Variants in DNHD1 observed in about 807,000 individuals in gnomAD.
DNHD1 encodes dynein heavy chain domain-containing protein 1.
In DNHD1, 383 loss-of-function variants were observed where a neutral mutation model predicts 458.1. That is an observed-to-expected ratio of 0.84 (90% CI 0.77 to 0.91). The LOEUF (loss-of-function observed/expected upper bound fraction) is 0.91. DNHD1 is among the 40% of genes least tolerant of loss of function. The pLI is 0.00. For missense variants in DNHD1, 5,336 were observed against 5,866.1 expected, an observed-to-expected ratio of 0.91 and a Z score of 2.95; for synonymous variants, 2,203 against 2,376.9, an observed-to-expected ratio of 0.93 and a Z score of 2.13.
intron 10 of DNHD1, among the ~76,000 whole-genome samples, chr11:6,527,583 T>C (rs554123322): frequency 1.3e-5 from 2 of 152,280 alleles, no homozygotes; most frequent in African/African-American, 2.4e-5. Flanking sequence ...GACATCCAGA[T>C]AGAGAAGTGA....
Position 6,548,039 on chromosome 11 carries a change from A to G in DNHD1, c.6904A>G (p.Arg2302Gly). ...IWGFGAHLPS[R>G]FWPIFDTFIR... is the part of the protein sequence containing the mutation. ...GGGCTTTGGAGCCCACCTTCCCTCC[A>G]GGTACCTACCAGGATGGGGGATGGG... Residue 2302 changes from arginine (R) to glycine (G), a missense_variant and splice_region_variant, in exon 22 of 43, where the codon AGG becomes GGG. By Grantham distance (125) the Arg-to-Gly change is moderately radical (BLOSUM62 -2). Transcript: ENST00000254579. The surrounding 1 kb of genome is among the most constrained non-coding windows in gnomAD (Gnocchi z 4.4). 3 of 1,551,676 alleles carry G rather than the reference A, an allele frequency of 1.9e-6. No homozygotes were observed. Among genetic ancestry groups the G allele is most frequent in the South Asian group, 1.2e-5 (1 of 84,058 alleles).
At chr11:6,529,484 C>G (rs1476468871) in intron 12 of DNHD1, among the ~76,000 whole-genome samples, 1 of 152,204 alleles carries the variant, frequency 6.6e-6, no homozygotes, top group African/African-American at 2.4e-5. Context: ...AAGCTACTCT[C>G]TAACTGAGCT....
chr11:6,564,615 T>G lies in DNHD1; in HGVS notation c.10567T>G (p.Trp3523Gly), dbSNP rs1458818104. The G allele has an allele frequency of 1.3e-6, 2 of 1,551,698 alleles. No homozygotes were observed. The highest frequency in any genetic ancestry group is 4.9e-5 in the East Asian group (2 of 40,912). ...LLSSESEQYQ[W>G]DGNLKPQAKS... ...GAGCTCTGAATCGGAGCAGTACCAG[T>G]GGGATGGAAACCTGAAGCCACAGGC... Residue 3523 changes from tryptophan to glycine, a missense_variant, in exon 32 of 43, where the codon TGG becomes GGG. This residue lies in a region of DNHD1 where 3,932 missense variants were observed against 4,365.6 expected (regional missense o/e 0.90). Coordinates refer to ENST00000254579, the MANE Select transcript of DNHD1 (RefSeq NM_144666.3).
chr11:6,569,917 C>T (rs1369294652), intron 39 of DNHD1, 92 bp from the exon 40 acceptor site: 2 of 1,084,018 alleles, frequency 1.8e-6, no homozygotes, highest in East Asian at 4.8e-5. Context: ...GAACCCGAAG[C>T]TCAGGAGAGA....
At chr11:6,555,714 C>G (rs1853447927) in intron 24 of DNHD1, among the ~76,000 whole-genome samples, 1 of 152,136 alleles carries the variant, frequency 6.6e-6, no homozygotes, top group Non-Finnish European at 1.5e-5. Context: ...CCGTATGATT[C>G]TATTTATATG....
At chr11:6,559,362 T>C in intron 28 of DNHD1, 79 bp downstream of exon 28, 1 of 1,209,578 alleles carries the variant, frequency 8.3e-7, no homozygotes, top group Non-Finnish European at 1.2e-6. Flanking sequence ...GCAACCAGAA[T>C]GAACCTTAAT....
At position 6,568,585 on chromosome 11, in the gene DNHD1, C is replaced by T. The variant is rs752666458; in HGVS notation, c.12661+9C>T. The T allele has an allele frequency of 1.4e-5, 23 of 1,613,966 alleles. No homozygotes were observed. In the East Asian group the frequency reaches 4.0e-4, roughly 28 times the overall value. ...TAGTGCTTCTTTGCCAGGTGAGGAGCTTAACCCCCTACAGGCTCTCAAATT... is the reference window on the plus strand; with the variant it reads ...TAGTGCTTCTTTGCCAGGTGAGGAGTTTAACCCCCTACAGGCTCTCAAATT... On this transcript the variant is annotated intron_variant, in intron 38 of 42. Transcript: ENST00000254579.
In DNHD1 at chr11:6,548,461, A is replaced by G. The variant is rs1239074190; in HGVS notation, c.7098+59A>G. 5 of 1,519,112 alleles carry G rather than the reference A, an allele frequency of 3.3e-6. No homozygotes were observed. In the African/African-American group the frequency reaches 7.0e-5, roughly 21 times the overall value. The allele number at this position is 1,519,112 out of a possible 1,614,324, so 94.1% of individuals were successfully genotyped here. A position where few individuals can be genotyped will look rare whatever the true frequency, so the allele number is the denominator to read the frequency against. ...AACTTCAGGACTTATTTTAGGGGTAATCCATGTTCAAAGATCAGCTGAGGC... is the reference window on the plus strand; with the variant it reads ...AACTTCAGGACTTATTTTAGGGGTAGTCCATGTTCAAAGATCAGCTGAGGC... On this transcript the variant is annotated intron_variant, in intron 23 of 42. Coordinates refer to ENST00000254579, the MANE Select transcript of DNHD1 (RefSeq NM_144666.3). The surrounding 1 kb of genome is among the most constrained non-coding windows in gnomAD (Gnocchi z 4.4).
Position 6,570,839 on chromosome 11 carries a change from C to G in DNHD1, c.13327C>G (p.Leu4443Val), listed in dbSNP as rs1422142897. The G allele has an allele frequency of 6.2e-7, 1 of 1,613,940 alleles. No homozygotes were observed. The highest frequency in any genetic ancestry group is 1.1e-5 in the South Asian group (1 of 91,094). Reference protein sequence around the residue: ...QLAERRLRQRLVQVNRRLESL... With the variant: ...QLAERRLRQRVVQVNRRLESL... The stretch of plus-strand genomic sequence containing the variant: ...TGCGGAAAGGCGACTGCGGCAACGC[C>G]TAGTGCAAGTCAACCGGAGGCTGGA... The change falls in exon 42 of 43, where the codon CTA (leucine) becomes GTA (valine). Residue 4443 changes from leucine to valine, a missense_variant. This residue lies in a region of DNHD1 where 698 missense variants were observed against 664.9 expected (regional missense o/e 1.05). Coordinates refer to ENST00000254579, the MANE Select transcript of DNHD1 (RefSeq NM_144666.3).
At chr11:6,537,351 C>T (rs1564812628) in intron 14 of DNHD1, among the ~76,000 whole-genome samples, 2 of 152,024 alleles carry the variant, frequency 1.3e-5, no homozygotes, top group South Asian at 4.1e-4. Flanking sequence ...AGTTCATTCG[C>T]TCATTCATTC....
Position 6,563,398 on chromosome 11 carries a change from T to C in DNHD1, c.9686T>C (p.Leu3229Pro), listed in dbSNP as rs1415857229. 4.5e-6 allele frequency: 7 copies of C among 1,551,718 alleles called. No homozygotes were observed. The highest frequency in any genetic ancestry group is 6.1e-6 in the Non-Finnish European group (7 of 1,146,976). Residue 3229 changes from leucine to proline, a missense_variant, in exon 30 of 43, where the codon CTG becomes CCG. Leu to Pro is a moderately conservative substitution (Grantham distance 98). This residue lies in a region of DNHD1 where 3,932 missense variants were observed against 4,365.6 expected (regional missense o/e 0.90). Coordinates refer to ENST00000254579, the MANE Select transcript of DNHD1 (RefSeq NM_144666.3). ...CTCATTTAGATGAGCAAGGCATTTCTGGAGCCTCTGAGCCAGCTGCAGGTG... is the reference window on the plus strand; with the variant it reads ...CTCATTTAGATGAGCAAGGCATTTCCGGAGCCTCTGAGCCAGCTGCAGGTG... ...AFLEQMSKAFLEPLSQLQVAD... is the reference protein window; with the variant it reads ...AFLEQMSKAFPEPLSQLQVAD...
In DNHD1 at chr11:6,567,488, A is replaced by G. The variant is rs143341167; in HGVS notation, c.11979A>G (p.Leu3993=). The G allele has an allele frequency of 2.9e-4, 463 of 1,613,538 alleles. 3 individuals carry two copies. The East Asian group carries it at 6.7e-3, about 23-fold the overall frequency. Residue 3993 remains leucine (L), a synonymous_variant, in exon 36 of 43, where the codon TTA becomes TTG. Transcript: ENST00000254579. Reference sequence around the variant, plus strand: ...AAGCCTGGCATGAATGTGAGATGTTAGAGCTGCTGCCCCCATTTGTTGGCC... The same window carrying G: ...AAGCCTGGCATGAATGTGAGATGTTGGAGCTGCTGCCCCCATTTGTTGGCC... ...GPKAWHECEM[L]ELLPPFVGLC...
chr11:6,522,956 CAA>C (rs780569311), intron 10 of DNHD1, among the ~76,000 whole-genome samples: 1 of 152,174 alleles, frequency 6.6e-6, no homozygotes, highest in Non-Finnish European at 1.5e-5. Flanking sequence ...TACAACTAAA[CAA>C]GAGAGTATTA....
At position 6,539,271 on chromosome 11, in the gene DNHD1, GCTTAC is replaced by G; in HGVS notation, c.3379_3383del (p.Thr1128SerfsTer16). On this transcript the variant is annotated frameshift_variant, in exon 17 of 43. Transcript: ENST00000254579. ...TAGAACTCCTAACGCTGGGCCAGCT[GCTTAC>G]TTATCCACTGCTGGAGTTTGCAGAT... 6.4e-7 allele frequency: 1 copy of G among 1,551,658 alleles called. No individual in the cohort carries two copies. The highest frequency in any genetic ancestry group is 2.4e-5 in the East Asian group (1 of 40,914).
rs376521174 is a variant in DNHD1, at chr11:6,571,437, G to A, written c.13911+14G>A. 36 of 1,566,072 alleles carry A rather than the reference G, an allele frequency of 2.3e-5. No homozygotes were observed. Among genetic ancestry groups the A allele is most frequent in the Non-Finnish European group, 2.6e-5 (30 of 1,151,782 alleles). The stretch of plus-strand genomic sequence containing the variant: ...CTGCACTTCAGGGTATCTTCGCGCC[G>A]CCCCTCGTTCGCGGTTCCAGTCCCC... On this transcript the variant is annotated intron_variant, in intron 42 of 42. Transcript: ENST00000254579. This position sits in a 1 kb window ranked among gnomAD's most constrained non-coding sequence, Gnocchi z 5.0.
intron 4 of DNHD1, among the ~76,000 whole-genome samples, chr11:6,506,654 T>C (rs940564100): frequency 1.3e-5 from 2 of 152,216 alleles, no homozygotes; most frequent in East Asian, 3.8e-4. Flanking sequence ...CTTCACCTCC[T>C]TTATTCTTTG....
At position 6,548,890 on chromosome 11, in the gene DNHD1, C is replaced by A; in HGVS notation, c.7344C>A (p.Pro2448=). 6.4e-7 allele frequency: 1 copy of A among 1,551,740 alleles called. No homozygotes were observed. Among genetic ancestry groups the A allele is most frequent in the Non-Finnish European group, 8.7e-7 (1 of 1,147,000 alleles). Residue 2448 remains proline (P), a synonymous_variant, in exon 24 of 43, where the codon CCC becomes CCA. Transcript: ENST00000254579. This position sits in a 1 kb window ranked among gnomAD's most constrained non-coding sequence, Gnocchi z 4.4. ...PQPGHHQDSK[P]SLLFLLEDLH... ...CTGGGCATCACCAGGATTCTAAACC[C>A]TCCCTCCTCTTCTTGCTGGAGGACC...
Position 6,545,947 on chromosome 11 carries a change from G to A in DNHD1, c.5008G>A (p.Ala1670Thr). 6.4e-7 allele frequency: 1 copy of A among 1,551,780 alleles called. No individual in the cohort carries two copies. Among genetic ancestry groups the A allele is most frequent in the Non-Finnish European group, 8.7e-7 (1 of 1,147,004 alleles). ...ACCCAGCCTACTGCCTGAACGGCCA[G>A]CCCTGGTACTATTATTGGCCCTAGA... ...PLPSLLPERPALVLLLALEEV... is the reference protein window; with the variant it reads ...PLPSLLPERPTLVLLLALEEV... The change falls in exon 21 of 43, where the codon GCC becomes ACC. Residue 1670 changes from alanine to threonine, a missense_variant. Around this residue, in one of 4 missense-constraint regions of DNHD1, gnomAD observed 3,932 missense variants for 4,365.6 expected, o/e 0.90. Transcript: ENST00000254579. This position sits in a 1 kb window ranked among gnomAD's most constrained non-coding sequence, Gnocchi z 4.9.
At chr11:6,559,806 G>A (rs1422120797) in intron 28 of DNHD1, among the ~76,000 whole-genome samples, 2 of 152,220 alleles carry the variant, frequency 1.3e-5, no homozygotes, top group Non-Finnish European at 2.9e-5. Flanking sequence ...CTAGACAAGA[G>A]TGTCCTGAAT....
Sources: gnomAD v4.1 joint callset for allele counts (sites outside exome capture counted in the v4.1 genomes callset) on GRCh38, gnomAD v4.1.1 for gene constraint, gnomAD v4.1.1 regional missense constraint, Gnocchi (gnomAD v3.1) non-coding constraint, MANE v1.5 for transcripts, NCBI Gene and HGNC (gene_info 2026-07-23, HGNC 2026-07-21) for gene names.